The following PTPRD variants were observed in gnomAD, a reference collection of about 807,000 sequenced individuals.
PTPRD encodes the protein protein tyrosine phosphatase receptor type D.
In PTPRD, 34 loss-of-function variants were observed where a neutral mutation model predicts 214.5. That is an observed-to-expected ratio of 0.16 (90% CI 0.12 to 0.21). PTPRD has a LOEUF of 0.21. Ranked by LOEUF, PTPRD falls within the 10% of genes least tolerant of loss-of-function variation. The probability of loss-of-function intolerance (pLI) is 1.00; values close to 1 mark genes in which losing one functional copy is unlikely to be tolerated. For synonymous variants in PTPRD, 1,128 were observed against 845.7 expected (o/e 1.33, Z -5.79); for missense variants, 2,545 against 2,398.7 (o/e 1.06, Z -1.27).
chr9:9,527,276 A>G (rs114157882), intron 8 of PTPRD, among the ~76,000 whole-genome samples: 1,565 of 152,292 alleles, frequency 0.01, 20 homozygotes, highest in African/African-American at 0.035. Flanking sequence ...TGTGAAACCT[A>G]TGTCAAATTA....
At chr9:10,481,069 G>C (rs553815008) in intron 2 of PTPRD, among the ~76,000 whole-genome samples, 4 of 151,214 alleles carry the variant, frequency 2.6e-5, no homozygotes, top group African/African-American at 7.3e-5. Context: ...GTTTGTTATA[G>C]ATGATCATTA....
At chr9:9,223,577 A>AT (rs976947119) in intron 9 of PTPRD, among the ~76,000 whole-genome samples, 1 of 151,970 alleles carries the variant, frequency 6.6e-6, no homozygotes, top group African/African-American at 2.4e-5. Context: ...TGCCTTCATT[A>AT]TTTTTTTTAA....
chr9:10,459,922 T>G (rs1447915336), intron 2 of PTPRD, among the ~76,000 whole-genome samples: 8 of 151,946 alleles, frequency 5.3e-5, no homozygotes, highest in Non-Finnish European at 1.0e-4. Context: ...TTAACTGCAC[T>G]TTTTCCAATT....
chr9:9,919,504 G>A (rs537296637), intron 5 of PTPRD, among the ~76,000 whole-genome samples: 8 of 151,990 alleles, frequency 5.3e-5, no homozygotes, highest in Admixed American at 1.3e-4. Flanking sequence ...TGCCGCATTC[G>A]GATAATTATT....
intron 7 of PTPRD, among the ~76,000 whole-genome samples, chr9:9,729,503 G>C (rs919121998): frequency 1.3e-5 from 2 of 152,070 alleles, no homozygotes; most frequent in Non-Finnish European, 2.9e-5. Flanking sequence ...AATAAAGAAA[G>C]AAACCCAGAT....
intron 3 of PTPRD, among the ~76,000 whole-genome samples, chr9:10,255,075 A>G (rs2093138251): frequency 6.6e-6 from 1 of 152,226 alleles, no homozygotes; most frequent in Non-Finnish European, 1.5e-5. Flanking sequence ...TAACAACAAC[A>G]ATTAGCAAGA....
chr9:9,755,345 G>GA (rs370540881), intron 6 of PTPRD, among the ~76,000 whole-genome samples: 1 of 151,932 alleles, frequency 6.6e-6, no homozygotes, highest in Non-Finnish European at 1.5e-5. Context: ...TAAAAATTGG[G>GA]AAAAAATTGT....
chr9:9,032,020 T>C (rs1039712259), intron 10 of PTPRD, among the ~76,000 whole-genome samples: 1 of 71,006 alleles, frequency 1.4e-5, no homozygotes, highest in Non-Finnish European at 4.6e-5. Flanking sequence ...CCTGTAATCT[T>C]TTTTTTCATT....
chr9:10,103,128 G>A (rs547349030), intron 3 of PTPRD, among the ~76,000 whole-genome samples: 1 of 151,608 alleles, frequency 6.6e-6, no homozygotes, highest in East Asian at 2.0e-4. Context: ...AGCTGAGGGA[G>A]AGAAAATGGC....
chr9:10,102,083 T>G (rs889913619), intron 3 of PTPRD, among the ~76,000 whole-genome samples: 1 of 151,808 alleles, frequency 6.6e-6, no homozygotes, highest in Non-Finnish European at 1.5e-5. Flanking sequence ...CCCATTTTGT[T>G]TTAATAAATA....
intron 10 of PTPRD, among the ~76,000 whole-genome samples, chr9:9,096,221 T>C (rs547574698): frequency 8.0e-4 from 122 of 152,344 alleles, no homozygotes; most frequent in African/African-American, 2.5e-3. Flanking sequence ...GAGTAGATTT[T>C]AGCCACCGTT....
chr9:10,026,633 T>A (rs2096928211), intron 4 of PTPRD, among the ~76,000 whole-genome samples: 1 of 152,128 alleles, frequency 6.6e-6, no homozygotes, highest in Non-Finnish European at 1.5e-5. Context: ...CAAGGGGGCA[T>A]TGTTTTCTCA....
intron 11 of PTPRD, among the ~76,000 whole-genome samples, chr9:8,752,938 G>A (rs900932177): frequency 6.6e-6 from 1 of 152,162 alleles, no homozygotes; most frequent in Non-Finnish European, 1.5e-5. Flanking sequence ...ATACAAAAGT[G>A]TTTAATATTT....
intron 3 of PTPRD, among the ~76,000 whole-genome samples, chr9:10,297,898 C>T (rs1565123014): frequency 6.6e-6 from 1 of 151,990 alleles, no homozygotes; most frequent in Admixed American, 6.6e-5. Flanking sequence ...CCAAGGCACC[C>T]TTCATATTAA....
At chr9:10,564,919 TTC>T (rs2065152036) in intron 2 of PTPRD, among the ~76,000 whole-genome samples, 1 of 152,180 alleles carries the variant, frequency 6.6e-6, no homozygotes, top group African/African-American at 2.4e-5. Flanking sequence ...TAACTTCATC[TTC>T]TCTCTTTCAT....
At chr9:9,898,280 C>G (rs536082427) in intron 5 of PTPRD, among the ~76,000 whole-genome samples, 1 of 152,024 alleles carries the variant, frequency 6.6e-6, no homozygotes, top group East Asian at 1.9e-4. Context: ...CATTTTGGGA[C>G]TGGAGGTAGT....
chr9:8,686,130 G>A (rs1255151264), intron 12 of PTPRD, among the ~76,000 whole-genome samples: 1 of 152,206 alleles, frequency 6.6e-6, no homozygotes, highest in Middle Eastern at 3.2e-3. Context: ...CAAGTTCAGT[G>A]CACAGCGTAC....
intron 5 of PTPRD, among the ~76,000 whole-genome samples, chr9:9,817,949 G>A (rs2049318288): frequency 6.6e-6 from 1 of 152,176 alleles, no homozygotes; most frequent in African/African-American, 2.4e-5. Flanking sequence ...GGCATTTTAG[G>A]TATAGAGTCA....
intron 9 of PTPRD, among the ~76,000 whole-genome samples, chr9:9,327,272 TCTG>T (rs2040337362): frequency 6.6e-6 from 1 of 152,218 alleles, no homozygotes; most frequent in Non-Finnish European, 1.5e-5. Context: ...TTCCTTCAAT[TCTG>T]CTACTTCTTT....
Sources: gnomAD v4.1 joint callset for allele counts (sites outside exome capture counted in the v4.1 genomes callset) on GRCh38, gnomAD v4.1.1 for gene constraint, MANE v1.5 for transcripts, NCBI Gene and HGNC (gene_info 2026-07-23, HGNC 2026-07-21) for gene names.